Variants in UHRF1 observed in about 807,000 individuals in gnomAD.
UHRF1 encodes ubiquitin like with PHD and ring finger domains 1.
In UHRF1, 9 loss-of-function variants were observed where a neutral mutation model predicts 96.5. The observed-to-expected ratio is 0.09, with a 90% CI of 0.06 to 0.16. UHRF1 has a LOEUF of 0.16. UHRF1 is among the 10% of genes least tolerant of loss of function. The pLI is 1.00. For synonymous variants in UHRF1, 455 were observed against 469.9 expected, an observed-to-expected ratio of 0.97 and a Z score of 0.41; for missense variants, 626 against 1,131.1, an observed-to-expected ratio of 0.55 and a Z score of 6.40.
In UHRF1 at chr19:4,954,434, G is replaced by A. The variant is rs745334592; in HGVS notation, c.1903G>A (p.Gly635Arg). 5 of 1,613,782 alleles carry A rather than the reference G, an allele frequency of 3.1e-6. No homozygotes were observed. In the South Asian group the frequency reaches 3.3e-5, roughly 11 times the overall value. Residue 635 changes from glycine (G) to arginine (R), a missense_variant, in exon 14 of 17, where the codon GGG becomes AGG. This residue lies in a region of UHRF1 where 90 missense variants were observed against 94.7 expected (regional missense o/e 0.95). Transcript: ENST00000650932. This position sits in a 1 kb window ranked among gnomAD's most constrained non-coding sequence, Gnocchi z 5.9. ...SKREEEEQQEGGFASPRTGKG... is the reference protein window; with the variant it reads ...SKREEEEQQERGFASPRTGKG... ...GAGGGAGGAGGAGGAGCAGCAGGAGGGGGGCTTCGCGTCCCCCAGGACGGG... is the reference window on the plus strand; with the variant it reads ...GAGGGAGGAGGAGGAGCAGCAGGAGAGGGGCTTCGCGTCCCCCAGGACGGG...
intron 5 of UHRF1, 48 bp from the exon 6 acceptor site, chr19:4,941,480 T>C (rs368314854): frequency 4.0e-6 from 6 of 1,502,288 alleles, no homozygotes; most frequent in Non-Finnish European, 5.5e-6. Flanking sequence ...TGAGTAGATT[T>C]AGGGGCCTCG....
intron 2 of UHRF1, among the ~76,000 whole-genome samples, chr19:4,923,355 C>T (rs531971737): frequency 6.6e-6 from 1 of 152,258 alleles, no homozygotes; most frequent in South Asian, 2.1e-4. Context: ...CTGCTGGCTG[C>T]CTGCTCTCCA....
intron 2 of UHRF1, among the ~76,000 whole-genome samples, chr19:4,926,856 A>G (rs1361414954): frequency 1.3e-5 from 2 of 152,032 alleles, no homozygotes; most frequent in African/African-American, 2.4e-5. Context: ...CGAGGTCAGG[A>G]GATCGAGACC....
intron 3 of UHRF1, among the ~76,000 whole-genome samples, 174 bp downstream of exon 3, chr19:4,929,650 G>C (rs912399732): frequency 1.3e-5 from 2 of 151,150 alleles, no homozygotes; most frequent in African/African-American, 4.9e-5. Flanking sequence ...TGGTACCCTG[G>C]GATTCCTTTG....
In UHRF1 at chr19:4,937,293, CTTTTTTTT is replaced by C. The variant is rs11411657; in HGVS notation, c.786-4222_786-4215del. ...AGTATTCTGTGGTATAGATGGGCCA[CTTTTTTTT>C]TTTTTTTTTTTTAACGACCCATTGG... On this transcript the variant is annotated intron_variant, in intron 5 of 16. Coordinates refer to ENST00000650932, the MANE Select transcript of UHRF1 (RefSeq NM_001048201.3). Among the ~76,000 whole-genome samples, 7 of 125,412 alleles carry C rather than the reference CTTTTTTTT, an allele frequency of 5.6e-5. 1 individual carries two copies. The highest frequency in any genetic ancestry group is 1.7e-4 in the Admixed American group (2 of 11,744). 82.3% of individuals were successfully genotyped at this position (125,412 alleles called of 152,430 possible). A position where few individuals can be genotyped will look rare whatever the true frequency, so the allele number is the denominator to read the frequency against.
chr19:4,925,897 CTTTT>C (rs1159455776), intron 2 of UHRF1, among the ~76,000 whole-genome samples: 13 of 150,166 alleles, frequency 8.7e-5, no homozygotes, highest in Admixed American at 5.4e-4. Context: ...TTCTTTCTTT[CTTTT>C]TTTCTTTCTT....
chr19:4,915,933 C>T (rs1305447268), intron 2 of UHRF1, among the ~76,000 whole-genome samples: 1 of 152,136 alleles, frequency 6.6e-6, no homozygotes, highest in Non-Finnish European at 1.5e-5. Context: ...AAACGGATTT[C>T]AGGACCCTTT....
chr19:4,945,975 TGTGTGGGAGGG>T lies in UHRF1; in HGVS notation c.1410+14_1410+24del. ...CTATGAGGATGATGTGGTGAGTGTG[TGTGTGGGAGGG>T]GTGGGGGAGGGTTGCTCTAGTTTTT... On this transcript the variant is annotated intron_variant, in intron 10 of 16. Transcript: ENST00000650932. 11 of 1,090,772 alleles carry T rather than the reference TGTGTGGGAGGG, an allele frequency of 1.0e-5. No homozygotes were observed. The highest frequency in any genetic ancestry group is 1.4e-5 in the Non-Finnish European group (11 of 763,496). 67.6% of individuals were successfully genotyped at this position (1,090,772 alleles called of 1,614,324 possible). A position where few individuals can be genotyped will look rare whatever the true frequency, so the allele number is the denominator to read the frequency against.
intron 11 of UHRF1, 141 bp downstream of exon 11, chr19:4,947,352 C>T (rs940449667): frequency 2.7e-6 from 2 of 743,932 alleles, no homozygotes; most frequent in East Asian, 2.8e-5. Context: ...TGGTTCCTCC[C>T]TCTGTCTCCC....
intron 5 of UHRF1, among the ~76,000 whole-genome samples, chr19:4,934,317 A>G (rs1252799656): frequency 6.6e-6 from 1 of 152,182 alleles, no homozygotes; most frequent in Non-Finnish European, 1.5e-5. Flanking sequence ...TACAGGCATG[A>G]GCCACTGCGC....
At chr19:4,936,135 C>A (rs1313089243) in intron 5 of UHRF1, among the ~76,000 whole-genome samples, 1 of 152,126 alleles carries the variant, frequency 6.6e-6, no homozygotes, top group Admixed American at 6.6e-5. Context: ...AACAGGTGCT[C>A]GGTCCAGGCG....
chr19:4,925,072 C>T (rs1024349150), intron 2 of UHRF1, among the ~76,000 whole-genome samples: 1 of 152,130 alleles, frequency 6.6e-6, no homozygotes, highest in African/African-American at 2.4e-5. Flanking sequence ...AGTGATCCAC[C>T]TGCCTTGGCC....
At chr19:4,911,656 C>T (rs894877907) in intron 2 of UHRF1, among the ~76,000 whole-genome samples, 2 of 152,206 alleles carry the variant, frequency 1.3e-5, no homozygotes, top group Admixed American at 1.3e-4. Context: ...CTGTCTCCAG[C>T]CCCTCGTTGC....
chr19:4,914,714 T>C (rs1368313422), intron 2 of UHRF1, among the ~76,000 whole-genome samples: 1 of 151,938 alleles, frequency 6.6e-6, no homozygotes, highest in African/African-American at 2.4e-5. Context: ...GCGGCACCTT[T>C]AACCTGCTCG....
In UHRF1 at chr19:4,930,986, T is replaced by A. The variant is rs2033033471; in HGVS notation, c.569+110T>A. 1 of 1,486,704 alleles carries A rather than the reference T, an allele frequency of 6.7e-7. No homozygotes were observed. Among genetic ancestry groups the A allele is most frequent in the Non-Finnish European group, 9.1e-7 (1 of 1,094,694 alleles). The allele number at this position is 1,486,704 out of a possible 1,614,324, so 92.1% of individuals were successfully genotyped here. A position where few individuals can be genotyped will look rare whatever the true frequency, so the allele number is the denominator to read the frequency against. On this transcript the variant is annotated intron_variant, in intron 4 of 16. Transcript: ENST00000650932. The surrounding 1 kb of genome is among the most constrained non-coding windows in gnomAD (Gnocchi z 4.4). The stretch of plus-strand genomic sequence containing the variant: ...CACTGTCTCGAGATGGTGATCAGGA[T>A]CTGGGGCCCCATCCTCGAATTCCTA...
In UHRF1 at chr19:4,930,938, C is replaced by T. The variant is rs16992679; in HGVS notation, c.569+62C>T. The T allele has an allele frequency of 4.0e-3, 6,309 of 1,596,214 alleles. 217 individuals carry two copies. In the African/African-American group the frequency reaches 0.071, roughly 18 times the overall value. ...GCTCTGTGACGCGCATCCTTGGCTG[C>T]GGGTGTTCAGGCCAGAGCTTGGCAC... On this transcript the variant is annotated intron_variant, in intron 4 of 16. Transcript: ENST00000650932. The surrounding 1 kb of genome is among the most constrained non-coding windows in gnomAD (Gnocchi z 4.4).
intron 5 of UHRF1, 24 bp downstream of exon 5, chr19:4,932,980 G>A (rs1410628796): frequency 5.7e-6 from 9 of 1,571,596 alleles, no homozygotes; most frequent in Non-Finnish European, 7.8e-6. Context: ...CCTGGGGCGA[G>A]CCCTTCCTCT....
intron 2 of UHRF1, among the ~76,000 whole-genome samples, chr19:4,914,682 A>C (rs2032423337): frequency 6.7e-6 from 1 of 150,160 alleles, no homozygotes; most frequent in East Asian, 1.9e-4. Flanking sequence ...GCTGCACATC[A>C]AAATAACAAT....
upstream of UHRF1, chr19:4,909,288 T>C (rs981179773): frequency 7.4e-6 from 4 of 540,278 alleles, no homozygotes; most frequent in South Asian, 2.3e-5. Context: ...CGCAGCCCCT[T>C]TGCACGCTGG....
Sources: allele counts gnomAD v4.1 joint callset (sites outside exome capture counted in the v4.1 genomes callset), GRCh38; gene constraint gnomAD v4.1.1; regional missense constraint gnomAD v4.1.1; non-coding constraint Gnocchi (gnomAD v3.1); transcripts MANE v1.5; gene names NCBI Gene and HGNC (gene_info 2026-07-23, HGNC 2026-07-21).